Variants in EPHA8 observed in about 807,000 individuals in gnomAD.
EPHA8 encodes the protein EPH receptor A8.
Under a neutral mutation model 103.6 loss-of-function variants are expected in EPHA8, and 58 were observed. That is an observed-to-expected ratio of 0.56 (90% CI 0.45 to 0.70). EPHA8 has a LOEUF of 0.70. Among genes scored for constraint, EPHA8 ranks in the 30% least tolerant of loss-of-function variants. EPHA8 has a pLI of 0.00. For missense variants in EPHA8, 1,304 were observed against 1,395.2 expected, an observed-to-expected ratio of 0.93 and a Z score of 1.04; for synonymous variants, 559 against 572.5, an observed-to-expected ratio of 0.98 and a Z score of 0.34.
In EPHA8 at chr1:22,597,715, C is replaced by T. The variant is rs1334346160; in HGVS notation, c.1970C>T (p.Pro657Leu). 6.2e-7 allele frequency: 1 copy of T among 1,612,462 alleles called. No homozygotes were observed. Among genetic ancestry groups the T allele is most frequent in the East Asian group, 2.2e-5 (1 of 44,874 alleles). The part of the protein sequence containing the change: ...GEVCYGRLRV[P>L]GQRDVPVAIK... ...GTCTGCTACGGGAGGCTGCGGGTGC[C>T]AGGGCAGCGGGATGTGCCCGTGGCC... Residue 657 changes from proline (P) to leucine (L), a missense_variant, in exon 11 of 17, where the codon CCA becomes CTA. Coordinates refer to ENST00000166244, the MANE Select transcript of EPHA8 (RefSeq NM_020526.5). The surrounding 1 kb of genome is among the most constrained non-coding windows in gnomAD (Gnocchi z 4.6).
At position 22,567,692 on chromosome 1, in the gene EPHA8, C is replaced by T; in HGVS notation, c.95-1597C>T. ...CTCACTCCAGCATTTCCTGAGGACA[C>T]TTGTCTCTGTCTTCGAGGGGCAGGC... On this transcript the variant is annotated intron_variant, in intron 1 of 16. Transcript: ENST00000166244. The surrounding 1 kb of genome is among the most constrained non-coding windows in gnomAD (Gnocchi z 4.2). Among the ~76,000 whole-genome samples, 1 of 152,212 alleles carries T rather than the reference C, an allele frequency of 6.6e-6. No homozygotes were observed. The highest frequency in any genetic ancestry group is 1.5e-5 in the Non-Finnish European group (1 of 68,046).
At position 22,572,730 on chromosome 1, in the gene EPHA8, C is replaced by T. The variant is rs147227345; in HGVS notation, c.159+3377C>T. 1.1e-3 allele frequency among the ~76,000 whole-genome samples: 164 copies of T among 152,320 alleles called. 3 individuals are homozygous for T. In the East Asian group the frequency reaches 0.025, roughly 24 times the overall value. Reference sequence around the variant, plus strand: ...CTCACCAAGCGCTGCACAGCTGGTTCGCTGCATTCTGATATGGGAGGAGGA... The same window carrying T: ...CTCACCAAGCGCTGCACAGCTGGTTTGCTGCATTCTGATATGGGAGGAGGA... On this transcript the variant is annotated intron_variant, in intron 2 of 16. Transcript: ENST00000166244.
At chr1:22,574,511 T>C (rs1218749144) in intron 2 of EPHA8, among the ~76,000 whole-genome samples, 2 of 152,216 alleles carry the variant, frequency 1.3e-5, no homozygotes, top group African/African-American at 2.4e-5. Context: ...CATTCTACTT[T>C]CTGTCTCTCT....
intron 1 of EPHA8, among the ~76,000 whole-genome samples, chr1:22,565,939 G>A (rs991792852): frequency 5.9e-5 from 9 of 152,318 alleles, no homozygotes; most frequent in Admixed American, 5.2e-4. Context: ...TCCATGTGGC[G>A]CATCTGGGAG....
At chr1:22,579,477 C>A (rs889907180) in intron 3 of EPHA8, among the ~76,000 whole-genome samples, 1 of 151,208 alleles carries the variant, frequency 6.6e-6, no homozygotes. Flanking sequence ...TGCATGTATA[C>A]GTGAGTGTAT....
chr1:22,583,333 G>C, intron 3 of EPHA8, among the ~76,000 whole-genome samples: 1 of 152,232 alleles, frequency 6.6e-6, no homozygotes, highest in African/African-American at 2.4e-5. Flanking sequence ...TCATTGCGTG[G>C]ATTAATCTGG....
In EPHA8 at chr1:22,576,671, C is replaced by A. The variant is rs769840240; in HGVS notation, c.614C>A (p.Pro205His). The change falls in exon 3 of 17, where the codon CCT becomes CAT. Residue 205 changes from proline to histidine, a missense_variant. Transcript: ENST00000166244. The surrounding 1 kb of genome is among the most constrained non-coding windows in gnomAD (Gnocchi z 4.8). ...LSLRIYYKKC[P>H]AMVRNLAAFS... The stretch of plus-strand genomic sequence containing the variant: ...CTCCGCATCTACTATAAGAAGTGCC[C>A]TGCCATGGTGCGCAATCTGGCTGCC... 3 of 1,613,912 alleles carry A rather than the reference C, an allele frequency of 1.9e-6. No homozygotes were observed. Among genetic ancestry groups the A allele is most frequent in the Non-Finnish European group, 2.5e-6 (3 of 1,180,044 alleles).
chr1:22,590,634 C>T (rs960167752), intron 5 of EPHA8, among the ~76,000 whole-genome samples: 2 of 152,138 alleles, frequency 1.3e-5, no homozygotes, highest in African/African-American at 4.8e-5. Flanking sequence ...GTAGCCCCAC[C>T]TCCTTTAAAT....
Position 22,598,237 on chromosome 1 carries a change from G to A in EPHA8, c.2178+25G>A. On this transcript the variant is annotated intron_variant, in intron 12 of 16. Transcript: ENST00000166244. This position sits in a 1 kb window ranked among gnomAD's most constrained non-coding sequence, Gnocchi z 5.1. Reference sequence around the variant, plus strand: ...GGTGCGTGTCCCACCCCTGCCTCTTGCATGGGCTTGGGGAGGGAGGTCCAG... The same window carrying A: ...GGTGCGTGTCCCACCCCTGCCTCTTACATGGGCTTGGGGAGGGAGGTCCAG... 6.2e-7 allele frequency: 1 copy of A among 1,610,362 alleles called. No individual in the cohort carries two copies. The highest frequency in any genetic ancestry group is 1.1e-5 in the South Asian group (1 of 90,896).
At chr1:22,583,242 A>G (rs1376025481) in intron 3 of EPHA8, among the ~76,000 whole-genome samples, 1 of 152,262 alleles carries the variant, frequency 6.6e-6, no homozygotes, top group African/African-American at 2.4e-5. Context: ...TGTCTCAGCC[A>G]TTAATTCCCG....
Position 22,597,615 on chromosome 1 carries a change from C to T in EPHA8, c.1931-61C>T. On this transcript the variant is annotated intron_variant, in intron 10 of 16. Transcript: ENST00000166244. The surrounding 1 kb of genome is among the most constrained non-coding windows in gnomAD (Gnocchi z 4.6). ...CCAGGGGGTCCAAGGGCCTGGGAGG[C>T]TGGGGGAGTCTGAGGGTCCCACTGC... The T allele has an allele frequency of 6.4e-7, 1 of 1,553,204 alleles. No homozygotes were observed. Among genetic ancestry groups the T allele is most frequent in the Non-Finnish European group, 8.7e-7 (1 of 1,148,058 alleles).
Position 22,601,065 on chromosome 1 carries a change from C to T in EPHA8, c.2706C>T (p.Leu902=). 1 of 1,608,674 alleles carries T rather than the reference C, an allele frequency of 6.2e-7. No individual in the cohort carries two copies. Among genetic ancestry groups the T allele is most frequent in the Non-Finnish European group, 8.5e-7 (1 of 1,177,414 alleles). The stretch of plus-strand genomic sequence containing the variant: ...CGCTCATCCGCAGCCCTGAGAGTCT[C>T]AGGGCCACCGCCACAGTCAGCAGGT... ...LDALIRSPES[L]RATATVSRCP... The change falls in exon 15 of 17, where the codon CTC becomes CTT. Residue 902 remains leucine (L), a synonymous_variant. Coordinates refer to ENST00000166244, the MANE Select transcript of EPHA8 (RefSeq NM_020526.5).
chr1:22,571,508 AG>A (rs992212233), intron 2 of EPHA8, among the ~76,000 whole-genome samples: 4 of 152,202 alleles, frequency 2.6e-5, no homozygotes, highest in African/African-American at 9.6e-5. Context: ...AACTGCAGGC[AG>A]CGAGGCCTAC....
At chr1:22,578,732 C>A (rs1640907316) in intron 3 of EPHA8, among the ~76,000 whole-genome samples, 1 of 143,752 alleles carries the variant, frequency 7.0e-6, no homozygotes, top group South Asian at 2.3e-4. Flanking sequence ...TGCATATGTG[C>A]AAGTGTATGT....
At chr1:22,585,477 CT>C (rs956005047) in intron 3 of EPHA8, among the ~76,000 whole-genome samples, 1 of 152,210 alleles carries the variant, frequency 6.6e-6, no homozygotes, top group Admixed American at 6.5e-5. Flanking sequence ...GAAGTAGCTC[CT>C]CCCACCATTT....
chr1:22,601,711 C>G lies in EPHA8; in HGVS notation c.2988C>G (p.Thr996=). 6.4e-7 allele frequency: 1 copy of G among 1,572,338 alleles called. No individual in the cohort carries two copies. The highest frequency in any genetic ancestry group is 8.6e-7 in the Non-Finnish European group (1 of 1,158,690). ...TTCAGACCATGCGGGCCCAGCTGAC[C>G]AGCACCCAGGGGCCCCGCCGGCACC... ...GSIQTMRAQL[T]STQGPRRHL is the part of the protein sequence containing the mutation. Residue 996 remains threonine, a synonymous_variant, in exon 17 of 17, where the codon ACC becomes ACG. Coordinates refer to ENST00000166244, the MANE Select transcript of EPHA8 (RefSeq NM_020526.5).
intron 3 of EPHA8, among the ~76,000 whole-genome samples, chr1:22,582,454 A>G (rs534183458): frequency 4.6e-5 from 7 of 152,212 alleles, no homozygotes; most frequent in Non-Finnish European, 8.8e-5. Flanking sequence ...AGAAGACAGT[A>G]TAGCCTGGGA....
chr1:22,568,586 G>A (rs1414373905), intron 1 of EPHA8, among the ~76,000 whole-genome samples: 4 of 152,224 alleles, frequency 2.6e-5, no homozygotes, highest in South Asian at 2.1e-4. Flanking sequence ...GTTGTTGTGC[G>A]GGGTGCAGAT....
chr1:22,576,516 C>T lies in EPHA8; in HGVS notation c.459C>T (p.Ser153=). ...LKIDTIAADE[S]FTGADLGVRR... Reference sequence around the variant, plus strand: ...TCGACACCATTGCGGCCGACGAGAGCTTCACAGGTGCCGACCTTGGTGTGC... The same window carrying T: ...TCGACACCATTGCGGCCGACGAGAGTTTCACAGGTGCCGACCTTGGTGTGC... Residue 153 remains serine (S), a synonymous_variant, in exon 3 of 17, where the codon AGC becomes AGT. Coordinates refer to ENST00000166244, the MANE Select transcript of EPHA8 (RefSeq NM_020526.5). This position sits in a 1 kb window ranked among gnomAD's most constrained non-coding sequence, Gnocchi z 4.8. 2 of 1,614,190 alleles carry T rather than the reference C, an allele frequency of 1.2e-6. No homozygotes were observed. The highest frequency in any genetic ancestry group is 1.7e-6 in the Non-Finnish European group (2 of 1,180,046).
Sources: allele counts gnomAD v4.1 joint callset (sites outside exome capture counted in the v4.1 genomes callset), GRCh38; gene constraint gnomAD v4.1.1; non-coding constraint Gnocchi (gnomAD v3.1); transcripts MANE v1.5; gene names NCBI Gene and HGNC (gene_info 2026-07-23, HGNC 2026-07-21).